The following ARID3B variants were observed in gnomAD, a reference collection of about 807,000 sequenced individuals.
ARID3B encodes the protein AT-rich interactive domain-containing protein 3B.
ARID3B carries 10 observed loss-of-function variants against 51.9 expected under a neutral mutation model. The observed-to-expected ratio is 0.19, with a 90% CI of 0.12 to 0.33. The LOEUF (loss-of-function observed/expected upper bound fraction) is 0.33. ARID3B is among the 10% of genes least tolerant of loss of function. The pLI, the probability that ARID3B is intolerant of heterozygous loss-of-function variation, is 1.00. For missense variants in ARID3B, 483 were observed against 716.3 expected (o/e 0.67, Z 3.72); for synonymous variants, 205 against 279.5 (o/e 0.73, Z 2.66).
chr15:74,584,952 C>T (rs1303154527), intron 4 of ARID3B, among the ~76,000 whole-genome samples: 1 of 152,232 alleles, frequency 6.6e-6, no homozygotes, highest in Non-Finnish European at 1.5e-5. Flanking sequence ...GATAAGGGGC[C>T]TCTTTGTTGC....
At chr15:74,595,391 C>T (rs1397547608) in intron 8 of ARID3B, among the ~76,000 whole-genome samples, 2 of 152,264 alleles carry the variant, frequency 1.3e-5, no homozygotes, top group South Asian at 2.1e-4. Context: ...GCATTTATGA[C>T]ATTTTAGCAA....
At chr15:74,563,206 C>T (rs1045927043) in intron 2 of ARID3B, among the ~76,000 whole-genome samples, 1 of 152,148 alleles carries the variant, frequency 6.6e-6, no homozygotes, top group African/African-American at 2.4e-5. Context: ...TAGAGGTGGC[C>T]GGTGGCATAG....
At chr15:74,590,571 A>G (rs1034594115) in intron 5 of ARID3B, among the ~76,000 whole-genome samples, 1 of 152,234 alleles carries the variant, frequency 6.6e-6, no homozygotes, top group African/African-American at 2.4e-5. Flanking sequence ...AACCAATAGT[A>G]GCACTGAAGA....
chr15:74,552,778 T>C (rs1363834248), intron 2 of ARID3B, among the ~76,000 whole-genome samples: 4 of 152,196 alleles, frequency 2.6e-5, no homozygotes, highest in Non-Finnish European at 4.4e-5. Flanking sequence ...GCTTATTTCT[T>C]TTTGTGCTGA....
At chr15:74,564,024 G>A (rs1325959025) in intron 2 of ARID3B, among the ~76,000 whole-genome samples, 1 of 152,178 alleles carries the variant, frequency 6.6e-6, no homozygotes, top group Non-Finnish European at 1.5e-5. Context: ...AGTTTGAATT[G>A]ATCTCCGCTG....
At chr15:74,556,421 A>G (rs1317723048) in intron 2 of ARID3B, among the ~76,000 whole-genome samples, 2 of 152,236 alleles carry the variant, frequency 1.3e-5, no homozygotes, top group Non-Finnish European at 1.5e-5. Context: ...ACAGATCACC[A>G]TAACAGATGT....
rs574173186 is a variant in ARID3B, at chr15:74,543,948, TCAGCAGCAG to T, written c.30_38del (p.Gln13_Gln15del). On this transcript the variant is annotated inframe_deletion, in exon 2 of 9. Transcript: ENST00000346246. ...AGCTTGAGGCAAAAATGGAGCCACT[TCAGCAGCAG>T]CAGCAGCAGCAGCAGCAACAACAGA... The T allele has an allele frequency of 1.0e-4, 163 of 1,607,598 alleles. No individual in the cohort carries two copies. The highest frequency in any genetic ancestry group is 5.7e-4 in the South Asian group (51 of 90,122).
chr15:74,563,502 A>C (rs1051483417), intron 2 of ARID3B, among the ~76,000 whole-genome samples: 1 of 152,182 alleles, frequency 6.6e-6, no homozygotes, highest in South Asian at 2.1e-4. Context: ...GGGGAAAAAA[A>C]AGTTTTATGA....
At chr15:74,549,669 G>A (rs903723831) in intron 2 of ARID3B, among the ~76,000 whole-genome samples, 2 of 152,008 alleles carry the variant, frequency 1.3e-5, no homozygotes, top group Admixed American at 6.6e-5. Flanking sequence ...GAAAATGTTC[G>A]TAGGCTTTCC....
chr15:74,573,963 G>C (rs1399563754), intron 4 of ARID3B: 2 of 152,170 alleles, frequency 1.3e-5, no homozygotes, highest in African/African-American at 4.8e-5. Context: ...GGCCAGGCTG[G>C]TCTCAAAATC....
At chr15:74,579,872 T>C (rs113856396) in intron 4 of ARID3B, among the ~76,000 whole-genome samples, 10,135 of 118,488 alleles carry the variant, frequency 0.086, 401 homozygotes, top group Middle Eastern at 0.16. Flanking sequence ...TGTGTGTGTG[T>C]GCGCGCGCGC....
At chr15:74,562,162 G>A (rs1314848180) in intron 2 of ARID3B, among the ~76,000 whole-genome samples, 1 of 149,680 alleles carries the variant, frequency 6.7e-6, no homozygotes, top group East Asian at 1.9e-4. Flanking sequence ...TTTTTTGTGA[G>A]TTGAAGTCTT....
At chr15:74,557,332 C>T (rs1048309553) in intron 2 of ARID3B, among the ~76,000 whole-genome samples, 3 of 151,568 alleles carry the variant, frequency 2.0e-5, no homozygotes, top group African/African-American at 4.8e-5. Flanking sequence ...GGGAGGATCT[C>T]TTGAGCCCAA....
At chr15:74,559,966 G>A (rs560510179) in intron 2 of ARID3B, among the ~76,000 whole-genome samples, 2 of 139,468 alleles carry the variant, frequency 1.4e-5, no homozygotes, top group South Asian at 4.7e-4. Flanking sequence ...GGCCAAGGCA[G>A]GTGGATCGCT....
chr15:74,568,885 C>G (rs1021005574), intron 2 of ARID3B, among the ~76,000 whole-genome samples: 6 of 152,136 alleles, frequency 3.9e-5, no homozygotes, highest in Non-Finnish European at 8.8e-5. Context: ...AAAGCCTGTT[C>G]CCTGGGCAGG....
At chr15:74,593,012 G>GCT in intron 7 of ARID3B, 126 bp from the exon 8 acceptor site, 1 of 714,476 alleles carries the variant, frequency 1.4e-6, no homozygotes, top group Non-Finnish European at 2.3e-6. Context: ...ACACTCAGGA[G>GCT]AAGGTTACAT....
intron 2 of ARID3B, among the ~76,000 whole-genome samples, chr15:74,564,865 T>C (rs972312598): frequency 1.3e-5 from 2 of 152,044 alleles, no homozygotes; most frequent in African/African-American, 4.8e-5. Flanking sequence ...CCTCCCAAAG[T>C]GCTGAGATTA....
At chr15:74,584,837 C>A (rs1419949138) in intron 4 of ARID3B, among the ~76,000 whole-genome samples, 1 of 152,204 alleles carries the variant, frequency 6.6e-6, no homozygotes, top group African/African-American at 2.4e-5. Flanking sequence ...TTCCCACCAA[C>A]AAGGGTTAAA....
At chr15:74,556,088 G>T (rs973068651) in intron 2 of ARID3B, among the ~76,000 whole-genome samples, 1 of 152,032 alleles carries the variant, frequency 6.6e-6, no homozygotes, top group Non-Finnish European at 1.5e-5. Flanking sequence ...CACCGAGCCC[G>T]GCTATCTGGG....
Sources: allele counts gnomAD v4.1 joint callset (sites outside exome capture counted in the v4.1 genomes callset), GRCh38; gene constraint gnomAD v4.1.1; transcripts MANE v1.5; gene names NCBI Gene and HGNC (gene_info 2026-07-23, HGNC 2026-07-21).